The following SPEF2 variants were observed in gnomAD, a reference collection of about 807,000 sequenced individuals.
SPEF2 encodes the protein sperm flagella and cilia-associated protein 2.
In SPEF2, 187 loss-of-function variants were observed where a neutral mutation model predicts 224.6. The ratio of observed to expected loss-of-function variants is 0.83; its 90% CI spans 0.74 to 0.94. The LOEUF is 0.94. SPEF2 is among the 40% of genes least tolerant of loss of function. The pLI is 0.00. For missense variants in SPEF2, 2,170 were observed against 2,135.6 expected (o/e 1.02, Z -0.32); for synonymous variants, 715 against 707.3 (o/e 1.01, Z -0.17).
chr5:35,750,997 GTATA>G (rs70973058), intron 23 of SPEF2, among the ~76,000 whole-genome samples: 1 of 28,938 alleles, frequency 3.5e-5, no homozygotes, highest in Non-Finnish European at 8.5e-5. Context: ...ATATATATAT[GTATA>G]TATATATATA....
chr5:35,695,757 A>G lies in SPEF2; in HGVS notation c.1998A>G (p.Pro666=), dbSNP rs139905987. Residue 666 remains proline, a synonymous_variant, in exon 14 of 37, where the codon CCA becomes CCG. Coordinates refer to ENST00000356031, the MANE Select transcript of SPEF2 (RefSeq NM_024867.4). ...TAGGTGCTAATGCTGATAAAACACC[A>G]AAAGCTGAAGAAGTCAAATCAAGTG... ...TMLSANADKT[P]KAEEVKSSDS... The G allele has an allele frequency of 5.3e-4, 853 of 1,610,810 alleles. 5 individuals are homozygous for G. In the African/African-American group the frequency reaches 0.01, roughly 20 times the overall value.
At position 35,700,409 on chromosome 5, in the gene SPEF2, T is replaced by C. The variant is rs537288033; in HGVS notation, c.2142-87T>C. The C allele has an allele frequency of 9.3e-5, 115 of 1,231,822 alleles. 1 individual carries two copies. In the African/African-American group the frequency reaches 1.2e-3, roughly 13 times the overall value. 76.3% of individuals were successfully genotyped at this position (1,231,822 alleles called of 1,614,324 possible). On this transcript the variant is annotated intron_variant, in intron 15 of 36. Coordinates refer to ENST00000356031, the MANE Select transcript of SPEF2 (RefSeq NM_024867.4). Reference sequence around the variant, plus strand: ...CATGCAGTAGGAAGTTATTGTGGAATTGAAAGAAAAAGGAAAGATTCATCA... The same window carrying C: ...CATGCAGTAGGAAGTTATTGTGGAACTGAAAGAAAAAGGAAAGATTCATCA...
chr5:35,807,761 C>A, intron 36 of SPEF2: 3 of 1,535,896 alleles, frequency 2.0e-6, no homozygotes, highest in Non-Finnish European at 1.7e-6. Context: ...TGGACAAACC[C>A]AGCAGAAGAA....
chr5:35,789,382 G>A (rs1755635663), intron 30 of SPEF2: 2 of 703,224 alleles, frequency 2.8e-6, no homozygotes, highest in East Asian at 5.4e-5. Context: ...CAAGGTGAGA[G>A]GTTGGGATGA....
intron 23 of SPEF2, among the ~76,000 whole-genome samples, chr5:35,740,597 T>G (rs1013662976): frequency 6.6e-6 from 1 of 152,152 alleles, no homozygotes; most frequent in Non-Finnish European, 1.5e-5. Flanking sequence ...ATTCCTTTCT[T>G]GAGCACAGTT....
intron 25 of SPEF2, among the ~76,000 whole-genome samples, chr5:35,762,718 G>A (rs1374341776): frequency 2.0e-5 from 3 of 152,080 alleles, no homozygotes. Flanking sequence ...ATTACTAAAG[G>A]GGGATTCCAG....
Position 35,805,428 on chromosome 5 carries a change from G to A in SPEF2, c.5011-1279G>A, listed in dbSNP as rs539461642. Among the ~76,000 whole-genome samples the A allele has an allele frequency of 2.3e-3, 351 of 152,148 alleles. 1 individual carries two copies. The highest frequency in any genetic ancestry group is 8.2e-3 in the African/African-American group (342 of 41,512). Reference sequence around the variant, plus strand: ...AGATTTACATGACTATTTAGAAAGAGGTTGCACAATCTATAGACTTGATAC... The same window carrying A: ...AGATTTACATGACTATTTAGAAAGAAGTTGCACAATCTATAGACTTGATAC... On this transcript the variant is annotated intron_variant, in intron 34 of 36. Transcript: ENST00000356031.
chr5:35,702,082 G>A (rs1738751856), intron 16 of SPEF2: 6 of 436,714 alleles, frequency 1.4e-5, no homozygotes, highest in South Asian at 9.5e-5. Context: ...GAAAGCCTGG[G>A]AGAGTAGTGT....
rs938738108 is a variant in SPEF2 at position 35,700,537 on chromosome 5, C to T, written c.2183C>T (p.Pro728Leu). 4.3e-6 allele frequency: 7 copies of T among 1,613,364 alleles called. No homozygotes were observed. The African/African-American group carries it at 9.4e-5, about 22-fold the overall frequency. ...CAAGACTGTATCCTAGATGGTTTTC[C>T]AATGACTTTAAACCAAGCACAGCTT... ...VNQDCILDGF[P>L]MTLNQAQLLE... Residue 728 changes from proline (P) to leucine (L), a missense_variant, in exon 16 of 37, where the codon CCA (proline) becomes CTA (leucine). Coordinates refer to ENST00000356031, the MANE Select transcript of SPEF2 (RefSeq NM_024867.4).
chr5:35,808,881 C>CATATATATATATATATATATAT (rs34389759), intron 36 of SPEF2, among the ~76,000 whole-genome samples: 25 of 143,326 alleles, frequency 1.7e-4, no homozygotes, highest in African/African-American at 6.1e-4. Context: ...TTGGGTTTTA[C>CATATATATATATATATATATAT]ATATATATAT....
intron 30 of SPEF2, among the ~76,000 whole-genome samples, chr5:35,783,041 A>G (rs1754562579): frequency 1.3e-5 from 2 of 152,230 alleles, no homozygotes; most frequent in African/African-American, 4.8e-5. Context: ...ATACTTTAGA[A>G]GCATAAGAAC....
intron 12 of SPEF2, among the ~76,000 whole-genome samples, chr5:35,693,416 A>G (rs766723607): frequency 2.0e-4 from 30 of 152,222 alleles, no homozygotes; most frequent in Non-Finnish European, 2.9e-4. Context: ...CACCTGATCT[A>G]TATTAGTAGA....
In SPEF2 at chr5:35,679,141, A is replaced by G. The variant is rs548538907; in HGVS notation, c.1524+8914A>G. 5.3e-5 allele frequency among the ~76,000 whole-genome samples: 8 copies of G among 152,326 alleles called. 1 individual carries two copies. The South Asian group carries it at 1.7e-3, about 32-fold the overall frequency. ...ATTACCCAGGAACAGTAACTGGAATATAGCCACTAGACTTTTCATTCTACC... is the reference window on the plus strand; with the variant it reads ...ATTACCCAGGAACAGTAACTGGAATGTAGCCACTAGACTTTTCATTCTACC... On this transcript the variant is annotated intron_variant, in intron 10 of 36. Transcript: ENST00000356031.
intron 2 of SPEF2, among the ~76,000 whole-genome samples, chr5:35,634,659 G>A (rs540042401): frequency 1.3e-5 from 2 of 152,006 alleles, no homozygotes; most frequent in Admixed American, 6.6e-5. Flanking sequence ...GTGATGTCCT[G>A]TAGGTCTCTG....
Position 35,806,873 on chromosome 5 carries a change from A to T in SPEF2, c.5177A>T (p.Lys1726Ile), listed in dbSNP as rs201679532. Residue 1726 changes from lysine to isoleucine, a missense_variant, in exon 35 of 37, where the codon AAA becomes ATA. Coordinates refer to ENST00000356031, the MANE Select transcript of SPEF2 (RefSeq NM_024867.4). ...NEKMSMETLL[K>I]VFKGGSEAQD... ...AAGATGTCCATGGAAACACTACTCAAAGTGTTCAAAGGGGGAAGTGAAGCA... is the reference window on the plus strand; with the variant it reads ...AAGATGTCCATGGAAACACTACTCATAGTGTTCAAAGGGGGAAGTGAAGCA... 53 of 1,614,104 alleles carry T rather than the reference A, an allele frequency of 3.3e-5. No homozygotes were observed. The African/African-American group carries it at 6.4e-4, about 19-fold the overall frequency.
chr5:35,787,891 T>C (rs766168678), intron 30 of SPEF2: 5 of 606,856 alleles, frequency 8.2e-6, no homozygotes, highest in East Asian at 5.5e-5. Context: ...ATGGTGTGAA[T>C]AGAGTCACCG....
rs764482212 is a variant in SPEF2, at chr5:35,712,887, G to T, written c.2914+1G>T. On this transcript the variant is annotated splice_donor_variant, in intron 20 of 36. Transcript: ENST00000356031. LOFTEE classifies it high-confidence loss of function. ...GGTGAGACCGCACTCAAAAGAAAAG[G>T]TACAGCAGATAAAAATATATATAAT... The T allele has an allele frequency of 6.2e-7, 1 of 1,612,534 alleles. No individual in the cohort carries two copies. The highest frequency in any genetic ancestry group is 1.1e-5 in the South Asian group (1 of 90,896).
At chr5:35,640,905 G>A (rs189620555) in intron 2 of SPEF2, among the ~76,000 whole-genome samples, 18 of 152,134 alleles carry the variant, frequency 1.2e-4, no homozygotes, top group African/African-American at 3.6e-4. Context: ...TTTCCTGAGC[G>A]CCACATCTTT....
chr5:35,787,784 C>A, intron 30 of SPEF2: 2 of 514,904 alleles, frequency 3.9e-6, no homozygotes, highest in Non-Finnish European at 6.8e-6. Flanking sequence ...AACTAGTGAG[C>A]AAATGTAGGG....
Sources: allele counts gnomAD v4.1 joint callset (sites outside exome capture counted in the v4.1 genomes callset), GRCh38; gene constraint gnomAD v4.1.1; transcripts MANE v1.5; gene names NCBI Gene and HGNC (gene_info 2026-07-23, HGNC 2026-07-21).